CLIC5: variants seen among roughly 807,000 people sequenced by gnomAD.
CLIC5 encodes chloride intracellular channel protein 5.
A neutral mutation model predicts 24.7 loss-of-function variants in CLIC5; 20 were observed. The observed-to-expected ratio is 0.81, with a 90% CI of 0.57 to 1.18. The LOEUF is 1.18. Ranked by LOEUF, CLIC5 falls within the 50% of genes most tolerant of loss-of-function variation. The probability of loss-of-function intolerance (pLI) is 0.00; values close to 1 mark genes in which losing one functional copy is unlikely to be tolerated. For missense variants in CLIC5, 341 were observed against 326.1 expected, an observed-to-expected ratio of 1.05 and a Z score of -0.35; for synonymous variants, 159 against 135.6, an observed-to-expected ratio of 1.17 and a Z score of -1.20.
intron 1 of CLIC5, among the ~76,000 whole-genome samples, chr6:46,001,756 T>C (rs966389491): frequency 6.6e-6 from 1 of 152,216 alleles, no homozygotes; most frequent in Non-Finnish European, 1.5e-5. Context: ...ACTCTGCCAC[T>C]TTCCATGGGA....
the CLIC5 span, among the ~76,000 whole-genome samples, chr6:46,112,022 A>AACCAGTCTCAAGTATAAATTC: frequency 6.6e-6 from 1 of 152,224 alleles, no homozygotes; most frequent in African/African-American, 2.4e-5. Flanking sequence ...TTTATAAATT[A>AACCAGTCTCAAGTATAAATTC]ACCAGTCTCA....
intron 1 of CLIC5, among the ~76,000 whole-genome samples, chr6:46,074,958 A>G (rs1291431494): frequency 6.6e-6 from 1 of 152,226 alleles, no homozygotes; most frequent in African/African-American, 2.4e-5. Flanking sequence ...CTCATGTTTG[A>G]AAAACCCAGT....
the CLIC5 span, among the ~76,000 whole-genome samples, chr6:46,098,446 C>T: frequency 3.3e-5 from 5 of 152,114 alleles, no homozygotes; most frequent in African/African-American, 1.2e-4. Context: ...TATGTCTGGC[C>T]ACCATAGCTG....
At chr6:46,093,478 G>A in the CLIC5 span, among the ~76,000 whole-genome samples, 187 of 152,256 alleles carry the variant, frequency 1.2e-3, no homozygotes, top group African/African-American at 4.1e-3. Context: ...GTCTGACTAG[G>A]AAAGTCCTGG....
chr6:46,098,194 C>G, the CLIC5 span, among the ~76,000 whole-genome samples: 1 of 152,180 alleles, frequency 6.6e-6, no homozygotes, highest in African/African-American at 2.4e-5. Context: ...AAAAAATATG[C>G]TATTGAGGGC....
the CLIC5 span, among the ~76,000 whole-genome samples, chr6:46,108,953 G>A: frequency 6.6e-6 from 1 of 152,156 alleles, no homozygotes; most frequent in Non-Finnish European, 1.5e-5. Flanking sequence ...GTATGTTAAA[G>A]TGATATGGCA....
chr6:46,110,956 CT>C, the CLIC5 span, among the ~76,000 whole-genome samples: 4 of 152,160 alleles, frequency 2.6e-5, no homozygotes, highest in African/African-American at 9.7e-5. Flanking sequence ...ATTCCTTACG[CT>C]TGGTAGAAAT....
At chr6:46,026,606 C>T (rs1247483826) in intron 1 of CLIC5, among the ~76,000 whole-genome samples, 1 of 152,108 alleles carries the variant, frequency 6.6e-6, no homozygotes, top group Non-Finnish European at 1.5e-5. Flanking sequence ...TTTCCTTCTT[C>T]CAAGGAGAAG....
chr6:45,994,846 C>A (rs1226138876), intron 1 of CLIC5, among the ~76,000 whole-genome samples: 1 of 152,114 alleles, frequency 6.6e-6, no homozygotes, highest in Non-Finnish European at 1.5e-5. Context: ...ATTATGTCTG[C>A]TCTTGCCCTC....
intron 4 of CLIC5, chr6:45,920,319 C>T (rs1763205191): frequency 2.0e-6 from 2 of 981,642 alleles, no homozygotes; most frequent in Non-Finnish European, 2.4e-6. Flanking sequence ...GGCTGTGTGA[C>T]AATGAAACAT....
the CLIC5 span, among the ~76,000 whole-genome samples, chr6:46,114,203 T>A: frequency 6.6e-6 from 1 of 152,136 alleles, no homozygotes; most frequent in South Asian, 2.1e-4. Flanking sequence ...CTGCTTTAAG[T>A]CTCTACCTTT....
At chr6:45,943,445 C>T (rs1764197742) in intron 3 of CLIC5, among the ~76,000 whole-genome samples, 1 of 152,218 alleles carries the variant, frequency 6.6e-6, no homozygotes, top group Non-Finnish European at 1.5e-5. Context: ...AGCAGGGCTT[C>T]CTGCAAGATA....
intron 5 of CLIC5, among the ~76,000 whole-genome samples, chr6:45,911,187 G>C (rs1162444945): frequency 6.6e-6 from 1 of 152,178 alleles, no homozygotes; most frequent in East Asian, 1.9e-4. Context: ...GCTGCCTCTT[G>C]AAGGTAGAAC....
intron 4 of CLIC5, among the ~76,000 whole-genome samples, chr6:45,918,236 T>A (rs531165329): frequency 3.9e-5 from 6 of 152,368 alleles, no homozygotes; most frequent in Admixed American, 3.3e-4. Context: ...CCATGATCAC[T>A]TCCAGATTCA....
chr6:45,955,837 T>C (rs771640875), intron 1 of CLIC5, among the ~76,000 whole-genome samples: 8 of 150,640 alleles, frequency 5.3e-5, no homozygotes, highest in Non-Finnish European at 1.0e-4. Flanking sequence ...CTTTAATCAA[T>C]ACACCACTTA....
chr6:45,927,502 A>G (rs1427255081), intron 4 of CLIC5, among the ~76,000 whole-genome samples: 1 of 152,194 alleles, frequency 6.6e-6, no homozygotes, highest in African/African-American at 2.4e-5. Flanking sequence ...CCCTCCCTCT[A>G]TTTGTCTAAA....
chr6:45,955,288 A>G (rs1317128680), intron 1 of CLIC5, 44 bp from the exon 2 acceptor site: 2 of 1,405,294 alleles, frequency 1.4e-6, no homozygotes, highest in East Asian at 4.6e-5. Flanking sequence ...AGGTGCAATT[A>G]GCAAGGGGAA....
chr6:46,114,363 T>C, the CLIC5 span, among the ~76,000 whole-genome samples: 1 of 152,212 alleles, frequency 6.6e-6, no homozygotes, highest in Non-Finnish European at 1.5e-5. Context: ...TTGGCAGCAC[T>C]GCTCATTACC....
Position 46,015,650 on chromosome 6 carries a change from G to C in CLIC5, c.-108C>G. The C allele has an allele frequency of 2.2e-6, 3 of 1,337,788 alleles. No homozygotes were observed. The highest frequency in any genetic ancestry group is 2.9e-6 in the Non-Finnish European group (3 of 1,035,136). 82.9% of individuals were successfully genotyped at this position (1,337,788 alleles called of 1,614,324 possible). A position where few individuals can be genotyped will look rare whatever the true frequency, so the allele number is the denominator to read the frequency against. ...GCTGCCCAGCGGGGCTCCTCTTCAG[G>C]GCGGTGTTTAATTTTTCACAAAACC... On this transcript the variant is annotated 5_prime_UTR_variant, in exon 1 of 6. Coordinates refer to ENST00000339561, the MANE Select transcript of CLIC5 (RefSeq NM_016929.5).
Sources: gnomAD v4.1 joint callset for allele counts (sites outside exome capture counted in the v4.1 genomes callset) on GRCh38, gnomAD v4.1.1 for gene constraint, MANE v1.5 for transcripts, NCBI Gene and HGNC (gene_info 2026-07-23, HGNC 2026-07-21) for gene names.